The following PDE3B variants were observed in gnomAD, a reference collection of about 807,000 sequenced individuals.
PDE3B encodes the protein cGMP-inhibited 3',5'-cyclic phosphodiesterase 3B.
Under a neutral mutation model 116.8 loss-of-function variants are expected in PDE3B, and 66 were observed. The observed-to-expected ratio is 0.56, with a 90% CI of 0.46 to 0.69. The LOEUF is 0.69. Ranked by LOEUF, PDE3B falls within the 30% of genes least tolerant of loss-of-function variation. The probability of loss-of-function intolerance (pLI) is 0.00; values close to 1 mark genes in which losing one functional copy is unlikely to be tolerated. For missense variants in PDE3B, 1,384 were observed against 1,368.1 expected (o/e 1.01, Z -0.18); for synonymous variants, 595 against 533.6 (o/e 1.12, Z -1.59).
intron 1 of PDE3B, among the ~76,000 whole-genome samples, chr11:14,758,874 T>C (rs1590120634): frequency 1.3e-5 from 2 of 152,032 alleles, no homozygotes; most frequent in East Asian, 1.9e-4. Context: ...TTCCAGTTTT[T>C]GCCCATTCAG....
At chr11:14,807,112 TG>T (rs1858958856) in intron 5 of PDE3B, among the ~76,000 whole-genome samples, 1 of 151,672 alleles carries the variant, frequency 6.6e-6, no homozygotes, top group Admixed American at 6.6e-5. Context: ...AATCTGAGGC[TG>T]GGGGGCTGGG....
intron 1 of PDE3B, among the ~76,000 whole-genome samples, chr11:14,677,939 T>G (rs368058157): frequency 1.1e-4 from 16 of 152,290 alleles, no homozygotes; most frequent in African/African-American, 3.9e-4. Flanking sequence ...CCTTTTTATT[T>G]GGGGGGACAG....
At chr11:14,890,670 C>T in the PDE3B span, 2 of 239,940 alleles carry the variant, frequency 8.3e-6, no homozygotes, top group Non-Finnish European at 1.3e-5. Context: ...CCTCAGCCTC[C>T]CGAATAGCTG....
intron 1 of PDE3B, among the ~76,000 whole-genome samples, chr11:14,697,184 C>A (rs1039781963): frequency 1.3e-4 from 20 of 152,096 alleles, no homozygotes; most frequent in Admixed American, 3.3e-4. Flanking sequence ...AGGATCCTCC[C>A]GCCTTGACCT....
At chr11:14,884,893 G>T in the PDE3B span, among the ~76,000 whole-genome samples, 2 of 151,630 alleles carry the variant, frequency 1.3e-5, no homozygotes, top group Non-Finnish European at 2.9e-5. Flanking sequence ...TATAATTGTG[G>T]CTGCTTCTTT....
rs1856628653 is a variant in PDE3B, at chr11:14,737,285, C to G, written c.979-34652C>G. Among the ~76,000 whole-genome samples the G allele has an allele frequency of 2.6e-5, 4 of 151,946 alleles. No homozygotes were observed. The South Asian group carries it at 8.3e-4, about 31-fold the overall frequency. On this transcript the variant is annotated intron_variant, in intron 1 of 15. Transcript: ENST00000282096. The stretch of plus-strand genomic sequence containing the variant: ...CTTGGCTCACTGCAATCTCGGCCTC[C>G]CGGGTTCACGCTGTTCTCCTGCCTC...
At chr11:14,877,614 T>G in the PDE3B span, 1 of 152,574 alleles carries the variant, frequency 6.6e-6, no homozygotes, top group Non-Finnish European at 1.5e-5. Flanking sequence ...AATACATATT[T>G]CTTCTACCAT....
chr11:14,731,342 T>G (rs1313130552), intron 1 of PDE3B, among the ~76,000 whole-genome samples: 1 of 149,994 alleles, frequency 6.7e-6, no homozygotes, highest in Non-Finnish European at 1.5e-5. Context: ...CACTGCAAGT[T>G]CCGCGTCCCG....
the PDE3B span, chr11:14,886,421 G>GT: frequency 6.2e-6 from 1 of 161,012 alleles, no homozygotes; most frequent in South Asian, 1.7e-4. Context: ...TAAACATATT[G>GT]TAACTAAGCC....
intron 10 of PDE3B, among the ~76,000 whole-genome samples, chr11:14,834,328 T>C (rs916644600): frequency 1.3e-5 from 2 of 152,220 alleles, no homozygotes; most frequent in Non-Finnish European, 2.9e-5. Flanking sequence ...CTAACTTTTA[T>C]AGGTGAGAAG....
intron 1 of PDE3B, among the ~76,000 whole-genome samples, chr11:14,724,828 C>G (rs561723173): frequency 2.8e-4 from 43 of 152,236 alleles, no homozygotes; most frequent in African/African-American, 1.0e-3. Context: ...GGATAACCTA[C>G]AAAGGATATA....
At chr11:14,851,010 A>C (rs1451280778) in intron 12 of PDE3B, among the ~76,000 whole-genome samples, 1 of 136,304 alleles carries the variant, frequency 7.3e-6, no homozygotes, top group Non-Finnish European at 1.5e-5. Flanking sequence ...TTTTTAGTAG[A>C]GACGGGGTTT....
intron 1 of PDE3B, among the ~76,000 whole-genome samples, chr11:14,677,588 GA>G (rs1044453525): frequency 6.6e-6 from 1 of 151,998 alleles, no homozygotes; most frequent in African/African-American, 2.4e-5. Context: ...ATGGTTCTAT[GA>G]ATTTTACCAT....
At chr11:14,680,780 C>CAAAAA (rs5789847) in intron 1 of PDE3B, among the ~76,000 whole-genome samples, 1 of 143,742 alleles carries the variant, frequency 7.0e-6, no homozygotes. Context: ...GAAATGACTT[C>CAAAAA]AAAAAAAAAA....
At chr11:14,689,899 C>G (rs929816431) in intron 1 of PDE3B, among the ~76,000 whole-genome samples, 1 of 152,182 alleles carries the variant, frequency 6.6e-6, no homozygotes, top group African/African-American at 2.4e-5. Flanking sequence ...CTGACTTACC[C>G]TCATGTCATA....
chr11:14,738,142 G>T (rs1250593475), intron 1 of PDE3B, among the ~76,000 whole-genome samples: 1 of 152,138 alleles, frequency 6.6e-6, no homozygotes, highest in African/African-American at 2.4e-5. Context: ...CCAGTAGTGG[G>T]ATGGCTGGGT....
chr11:14,806,858 C>CAAAAAA (rs953411145), intron 5 of PDE3B, among the ~76,000 whole-genome samples: 6 of 45,878 alleles, frequency 1.3e-4, no homozygotes, highest in Admixed American at 2.4e-4. Context: ...GACTCCGTCT[C>CAAAAAA]AAAAAAAAAA....
chr11:14,890,788 T>G, the PDE3B span: 1 of 814,724 alleles, frequency 1.2e-6, no homozygotes, highest in African/African-American at 1.9e-5. Context: ...GATTTCGTGA[T>G]CCGCCCGCCT....
intron 1 of PDE3B, among the ~76,000 whole-genome samples, chr11:14,684,472 C>G (rs1854808642): frequency 6.6e-6 from 1 of 152,156 alleles, no homozygotes; most frequent in African/African-American, 2.4e-5. Context: ...GGAAACAGTA[C>G]AAGGGCAAAT....
Sources: allele counts gnomAD v4.1 joint callset (sites outside exome capture counted in the v4.1 genomes callset), GRCh38; gene constraint gnomAD v4.1.1; transcripts MANE v1.5; gene names NCBI Gene and HGNC (gene_info 2026-07-23, HGNC 2026-07-21).